Variants in APOA2 observed in about 807,000 individuals in gnomAD.
APOA2 encodes the protein apolipoprotein A-II.
In APOA2, 3 loss-of-function variants were observed where a neutral mutation model predicts 7.4. The observed-to-expected ratio is 0.41, with a 90% CI of 0.18 to 1.05. The LOEUF (loss-of-function observed/expected upper bound fraction) is 1.05, where lower values mean the gene tolerates loss of function less well. APOA2 is among the 50% of genes least tolerant of loss of function. APOA2 has a pLI of 0.33. For missense variants in APOA2, 90 were observed against 116.3 expected (o/e 0.77, Z 1.04); for synonymous variants, 42 against 47.8 (o/e 0.88, Z 0.50).
rs1384875024 is a variant in APOA2, at chr1:161,222,469, C to A, written c.239G>T (p.Gly80Val). Residue 80 changes from glycine (G) to valine (V), a missense_variant, in exon 4 of 4, where the codon GGA (glycine) becomes GTA (valine). By Grantham distance (109) the Gly-to-Val change is moderately radical. Coordinates refer to ENST00000367990, the MANE Select transcript of APOA2 (RefSeq NM_001643.2). ...EQLTPLIKKA[G>V]TELVNFLSYF... Reference sequence around the variant, plus strand: ...GCTCAAGAAGTTAACCAGTTCCGTTCCAGCCTTCTTGATCAGGGGTGTCAG... The same window carrying A: ...GCTCAAGAAGTTAACCAGTTCCGTTACAGCCTTCTTGATCAGGGGTGTCAG... 1.6e-5 allele frequency: 26 copies of A among 1,614,068 alleles called. No individual in the cohort carries two copies. Among genetic ancestry groups the A allele is most frequent in the Non-Finnish European group, 2.0e-5 (24 of 1,180,048 alleles).
At chr1:161,223,486 C>G in intron 1 of APOA2, 61 bp from the exon 2 acceptor site, 2 of 1,368,374 alleles carry the variant, frequency 1.5e-6, no homozygotes, top group Admixed American at 1.9e-5. Flanking sequence ...CAGCTCCTCC[C>G]CAGGGATCTC....
chr1:161,222,903 T>G lies in APOA2; in HGVS notation c.185+15A>C. The G allele has an allele frequency of 1.2e-6, 2 of 1,614,204 alleles. No individual in the cohort carries two copies. Among genetic ancestry groups the G allele is most frequent in the Non-Finnish European group, 1.7e-6 (2 of 1,180,028 alleles). On this transcript the variant is annotated intron_variant, in intron 3 of 3. Coordinates refer to ENST00000367990, the MANE Select transcript of APOA2 (RefSeq NM_001643.2). ...ACAGTTCCACAGCCCCTGAACCCCT[T>G]GCCCTGAGACTTACTTGGCCTCGGC...
chr1:161,223,335 C>G lies in APOA2; in HGVS notation c.52+15G>C, dbSNP rs1666206635. 1.2e-6 allele frequency: 2 copies of G among 1,613,618 alleles called. No homozygotes were observed. The highest frequency in any genetic ancestry group is 2.2e-5 in the South Asian group (2 of 90,888). The stretch of plus-strand genomic sequence containing the variant: ...CACATTCTCCCTTTTGGCCCCCTCT[C>G]CATATCACACCCACCTTCAAGGCTG... On this transcript the variant is annotated intron_variant, in intron 2 of 3. Transcript: ENST00000367990.
intron 2 of APOA2, 119 bp downstream of exon 2, chr1:161,223,231 G>C: frequency 1.3e-6 from 2 of 1,557,264 alleles, no homozygotes; most frequent in South Asian, 1.2e-5. Context: ...TTTAGAGAGG[G>C]AATGATCTTC....
rs373056577 is a variant in APOA2, at chr1:161,222,931, G to A, written c.172C>T (p.Gln58Ter). The A allele has an allele frequency of 4.3e-6, 7 of 1,614,148 alleles. No homozygotes were observed. The highest frequency in any genetic ancestry group is 2.2e-5 in the East Asian group (1 of 44,878). Reference protein sequence around the residue: ...LMEKVKSPELQAEAKSYFEKS... With the variant: ...LMEKVKSPEL ...CCTGAGACTTACTTGGCCTCGGCCTGAAGCTCTGGGCTCTTGACCTTCTCC... is the reference window on the plus strand; with the variant it reads ...CCTGAGACTTACTTGGCCTCGGCCTAAAGCTCTGGGCTCTTGACCTTCTCC... Residue 58 changes from glutamine (Q) to a stop codon, truncating the protein, a stop_gained, in exon 3 of 4, where the codon CAG (glutamine) becomes TAG (stop). Transcript: ENST00000367990. LOFTEE classifies it low-confidence loss of function (END_TRUNC).
At chr1:161,222,831 T>G in intron 3 of APOA2, 87 bp downstream of exon 3, 1 of 1,604,284 alleles carries the variant, frequency 6.2e-7, no homozygotes. Context: ...TCCCCACCCC[T>G]GGGTTCAGAC....
In APOA2 at chr1:161,223,224, A is replaced by C. The variant is rs1041980188; in HGVS notation, c.52+126T>G. 5.8e-6 allele frequency: 9 copies of C among 1,555,766 alleles called. No homozygotes were observed. The African/African-American group carries it at 1.2e-4, about 21-fold the overall frequency. Reference sequence around the variant, plus strand: ...TCTTTGGATGGGCTTTCTGGGCTTTAGAGAGGGAATGATCTTCCTTTTGAG... The same window carrying C: ...TCTTTGGATGGGCTTTCTGGGCTTTCGAGAGGGAATGATCTTCCTTTTGAG... On this transcript the variant is annotated intron_variant, in intron 2 of 3. Coordinates refer to ENST00000367990, the MANE Select transcript of APOA2 (RefSeq NM_001643.2).
chr1:161,223,024 C>G lies in APOA2; in HGVS notation c.79G>C (p.Glu27Gln), dbSNP rs754574059. Reference protein sequence around the residue: ...EGALVRRQAKEPCVESLVSQY... With the variant: ...EGALVRRQAKQPCVESLVSQY... ...GAAACCAGGCTCTCCACACATGGCT[C>G]CTTTGCCTGTCTCCGAACCAAAGCT... The change falls in exon 3 of 4, where the codon GAG (glutamate) becomes CAG (glutamine). Residue 27 changes from glutamate to glutamine, a missense_variant. Physicochemically the swap from Glu to Gln is conservative, Grantham distance 29. Transcript: ENST00000367990. 6.2e-7 allele frequency: 1 copy of G among 1,613,392 alleles called. No individual in the cohort carries two copies. The highest frequency in any genetic ancestry group is 1.1e-5 in the South Asian group (1 of 91,056).
At position 161,222,474 on chromosome 1, in the gene APOA2, C is replaced by G; in HGVS notation, c.234G>C (p.Lys78Asn). The part of the protein sequence containing the change: ...SKEQLTPLIK[K>N]AGTELVNFLS... ...AGAAGTTAACCAGTTCCGTTCCAGC[C>G]TTCTTGATCAGGGGTGTCAGCTGCT... The change falls in exon 4 of 4, where the codon AAG becomes AAC. Residue 78 changes from lysine to asparagine, a missense_variant. By Grantham distance (94) the Lys-to-Asn change is moderately conservative. Transcript: ENST00000367990. 6.2e-7 allele frequency: 1 copy of G among 1,614,208 alleles called. No individual in the cohort carries two copies. Among genetic ancestry groups the G allele is most frequent in the Non-Finnish European group, 8.5e-7 (1 of 1,180,044 alleles).
At position 161,223,025 on chromosome 1, in the gene APOA2, C is replaced by T. The variant is rs780741920; in HGVS notation, c.78G>A (p.Lys26=). 2.5e-6 allele frequency: 4 copies of T among 1,613,328 alleles called. No individual in the cohort carries two copies. The South Asian group carries it at 3.3e-5, about 13-fold the overall frequency. The change falls in exon 3 of 4, where the codon AAG becomes AAA. Residue 26 remains lysine, a synonymous_variant. Transcript: ENST00000367990. Reference sequence around the variant, plus strand: ...AAACCAGGCTCTCCACACATGGCTCCTTTGCCTGTCTCCGAACCAAAGCTC... The same window carrying T: ...AAACCAGGCTCTCCACACATGGCTCTTTTGCCTGTCTCCGAACCAAAGCTC... ...LEGALVRRQA[K]EPCVESLVSQ... is the part of the protein sequence containing the mutation.
Position 161,222,379 on chromosome 1 carries a change from G to T in APOA2, c.*26C>A, listed in dbSNP as rs1029859927. 1 of 1,588,588 alleles carries T rather than the reference G, an allele frequency of 6.3e-7. No individual in the cohort carries two copies. The highest frequency in any genetic ancestry group is 8.6e-7 in the Non-Finnish European group (1 of 1,156,826). ...AGTGGGTGTTCTAGAGGCCAGCTGG[G>T]GTTGGAAGACAATGGTCTGGACACT... On this transcript the variant is annotated 3_prime_UTR_variant, in exon 4 of 4. Transcript: ENST00000367990.
intron 2 of APOA2, 120 bp downstream of exon 2, chr1:161,223,230 G>T: frequency 1.3e-6 from 2 of 1,556,988 alleles, no homozygotes; most frequent in Middle Eastern, 3.3e-4. Flanking sequence ...CTTTAGAGAG[G>T]GAATGATCTT....
Position 161,222,323 on chromosome 1 carries a change from G to C in APOA2, c.*82C>G, listed in dbSNP as rs755953730. 1 of 987,088 alleles carries C rather than the reference G, an allele frequency of 1.0e-6. No individual in the cohort carries two copies. Among genetic ancestry groups the C allele is most frequent in the South Asian group, 1.3e-5 (1 of 74,158 alleles). The allele number at this position is 987,088 out of a possible 1,614,324, so 61.1% of individuals were successfully genotyped here. A position where few individuals can be genotyped will look rare whatever the true frequency, so the allele number is the denominator to read the frequency against. On this transcript the variant is annotated 3_prime_UTR_variant, in exon 4 of 4. Transcript: ENST00000367990. ...CATTCAGCATTTATTGTAGCAAAGA[G>C]TGGGTAGGGACAGGAGCTCTAGGAC...
At chr1:161,223,481 C>G in intron 1 of APOA2, 56 bp from the exon 2 acceptor site, 1 of 1,430,446 alleles carries the variant, frequency 7.0e-7, no homozygotes, top group Admixed American at 1.9e-5. Flanking sequence ...GGCTTCAGCT[C>G]CTCCCCAGGG....
chr1:161,222,317 CA>C lies in APOA2; in HGVS notation c.*87del. On this transcript the variant is annotated 3_prime_UTR_variant, in exon 4 of 4. Coordinates refer to ENST00000367990, the MANE Select transcript of APOA2 (RefSeq NM_001643.2). ...TGGATTCATTCAGCATTTATTGTAG[CA>C]AAGAGTGGGTAGGGACAGGAGCTCT... The C allele has an allele frequency of 2.1e-6, 2 of 956,532 alleles. No homozygotes were observed. Among genetic ancestry groups the C allele is most frequent in the Middle Eastern group, 2.2e-4 (1 of 4,648 alleles). The allele number at this position is 956,532 out of a possible 1,614,324, so 59.3% of individuals were successfully genotyped here.
Position 161,222,526 on chromosome 1 carries a change from G to T in APOA2, c.186-4C>A. 6.2e-7 allele frequency: 1 copy of T among 1,611,758 alleles called. No homozygotes were observed. The highest frequency in any genetic ancestry group is 8.5e-7 in the Non-Finnish European group (1 of 1,177,866). On this transcript the variant is annotated splice_polypyrimidine_tract_variant and splice_region_variant and intron_variant, in intron 3 of 3. Coordinates refer to ENST00000367990, the MANE Select transcript of APOA2 (RefSeq NM_001643.2). Reference sequence around the variant, plus strand: ...CTTTGACTTTTCAAAGTAAGACCTGGATAGGTGAGGGGATTAGAGTTTAAT... The same window carrying T: ...CTTTGACTTTTCAAAGTAAGACCTGTATAGGTGAGGGGATTAGAGTTTAAT...
Position 161,222,950 on chromosome 1 carries a change from C to T in APOA2, c.153G>A (p.Lys51=). The change falls in exon 3 of 4, where the codon AAG becomes AAA. Residue 51 remains lysine, a synonymous_variant. Transcript: ENST00000367990. ...CGGCCTGAAGCTCTGGGCTCTTGAC[C>T]TTCTCCATCAGGTCCTTGCCATAGT... ...VTDYGKDLME[K]VKSPELQAEA... 1 of 1,614,150 alleles carries T rather than the reference C, an allele frequency of 6.2e-7. No individual in the cohort carries two copies. The highest frequency in any genetic ancestry group is 1.3e-5 in the African/African-American group (1 of 75,016).
chr1:161,223,080 CACACACACACA>C (rs1666200934), intron 2 of APOA2, 30 bp from the exon 3 acceptor site: 1 of 1,608,152 alleles, frequency 6.2e-7, no homozygotes, highest in Non-Finnish European at 8.5e-7. Flanking sequence ...CACACACACA[CACACACACACA>C]CACTCTTTTC....
In APOA2 at chr1:161,223,442, G is replaced by C. The variant is rs771963321; in HGVS notation, c.-24-17C>G. 6 of 1,597,044 alleles carry C rather than the reference G, an allele frequency of 3.8e-6. No homozygotes were observed. The highest frequency in any genetic ancestry group is 2.2e-5 in the East Asian group (1 of 44,598). On this transcript the variant is annotated splice_polypyrimidine_tract_variant and intron_variant, in intron 1 of 3. Coordinates refer to ENST00000367990, the MANE Select transcript of APOA2 (RefSeq NM_001643.2). ...GAGGGCGGCCTAGGAAGAGGGTGGT[G>C]GGGGTTTGGGGGACACTGAAGCCAA... is the stretch of plus-strand genomic sequence containing the variant.
Sources: allele counts gnomAD v4.1 joint callset, GRCh38; gene constraint gnomAD v4.1.1; transcripts MANE v1.5; gene names NCBI Gene and HGNC (gene_info 2026-07-23, HGNC 2026-07-21).